HDAC9: variants seen among roughly 807,000 people sequenced by gnomAD.
The protein encoded by HDAC9 is MEF-2 interacting transcription repressor (MITR) protein.
A neutral mutation model predicts 139.4 loss-of-function variants in HDAC9; 41 were observed. The ratio of observed to expected loss-of-function variants is 0.29; its 90% confidence interval spans 0.23 to 0.38. HDAC9 has a LOEUF of 0.38. HDAC9 is among the 10% of genes least tolerant of loss of function. HDAC9 has a pLI of 1.00. For missense variants in HDAC9, 1,147 were observed against 1,297.0 expected (o/e 0.88, Z 1.78); for synonymous variants, 517 against 476.2 (o/e 1.09, Z -1.12).
At position 18,893,306 on chromosome 7, in the gene HDAC9, GAACAT is replaced by G. The variant is rs562313364; in HGVS notation, c.2803+18719_2803+18723del. 5.2e-3 allele frequency among the ~76,000 whole-genome samples: 788 copies of G among 152,220 alleles called. 4 individuals are homozygous for G. Among genetic ancestry groups the G allele is most frequent in the African/African-American group, 0.018 (764 of 41,542 alleles). On this transcript the variant is annotated intron_variant, in intron 22 of 25. Transcript: ENST00000686413. ...TTACACAAGGGGCAGCAGCGTGAAG[GAACAT>G]AACATAACCTTCGCTCTCCTTATCA... is the stretch of plus-strand genomic sequence containing the variant.
intron 1 of HDAC9, among the ~76,000 whole-genome samples, chr7:18,464,620 A>G (rs964104729): frequency 6.6e-6 from 1 of 151,992 alleles, no homozygotes; most frequent in African/African-American, 2.4e-5. Flanking sequence ...TTAACAAGTC[A>G]TTTTTCAAAT....
intron 24 of HDAC9, among the ~76,000 whole-genome samples, 166 bp from the exon 25 acceptor site, chr7:18,975,640 T>G (rs2189741): frequency 0.79 from 120,940 of 152,186 alleles, 48,137 homozygotes; most frequent in South Asian, 0.85. Flanking sequence ...GGCATTCTTA[T>G]ATTGAGAAAA....
At chr7:18,622,366 C>T (rs1840439518) in intron 6 of HDAC9, among the ~76,000 whole-genome samples, 1 of 152,160 alleles carries the variant, frequency 6.6e-6, no homozygotes, top group Admixed American at 6.5e-5. Context: ...CCCTGTCACC[C>T]AGGCTGGAGT....
chr7:18,738,776 C>A (rs1240442068), intron 13 of HDAC9, among the ~76,000 whole-genome samples: 3 of 152,180 alleles, frequency 2.0e-5, no homozygotes, highest in African/African-American at 7.2e-5. Context: ...TTGTGGTGTT[C>A]TCTGTACTTC....
intron 16 of HDAC9, among the ~76,000 whole-genome samples, chr7:18,772,332 A>G (rs1301353808): frequency 6.6e-6 from 1 of 152,068 alleles, no homozygotes; most frequent in Non-Finnish European, 1.5e-5. Context: ...CTTCCAAAAA[A>G]GGAGGGAAAA....
intron 11 of HDAC9, among the ~76,000 whole-genome samples, chr7:18,654,605 T>C (rs1426201173): frequency 6.6e-6 from 1 of 152,146 alleles, no homozygotes; most frequent in Admixed American, 6.6e-5. Context: ...TCCTTAATCA[T>C]TTGTGCTTAT....
chr7:18,155,361 C>T (rs1180508908), intron 1 of HDAC9, among the ~76,000 whole-genome samples: 1 of 152,018 alleles, frequency 6.6e-6, no homozygotes, highest in African/African-American at 2.4e-5. Context: ...GGGCTAAGCC[C>T]AGTGTTTAAA....
At chr7:18,991,071 A>C (rs1464949439) in intron 25 of HDAC9, among the ~76,000 whole-genome samples, 1 of 152,156 alleles carries the variant, frequency 6.6e-6, no homozygotes, top group African/African-American at 2.4e-5. Context: ...GCTCCTCTCG[A>C]TCTTTATTCT....
intron 1 of HDAC9, among the ~76,000 whole-genome samples, chr7:18,434,015 A>G (rs1790933827): frequency 6.6e-6 from 1 of 152,182 alleles, no homozygotes; most frequent in African/African-American, 2.4e-5. Context: ...GCTTTAAACT[A>G]TGTGACAGGC....
chr7:18,748,029 G>A (rs1184416337), intron 13 of HDAC9, among the ~76,000 whole-genome samples: 3 of 152,054 alleles, frequency 2.0e-5, no homozygotes, highest in Non-Finnish European at 2.9e-5. Context: ...AATATACTTC[G>A]ATGGTCATTT....
chr7:18,793,337 T>G lies in HDAC9; in HGVS notation c.2215-8T>G. On this transcript the variant is annotated splice_polypyrimidine_tract_variant and splice_region_variant and intron_variant, in intron 16 of 25. Transcript: ENST00000686413. ...TCTGTCTTCGGACTCTGCTGACTGT[T>G]TGCTCAGGTGGACAGTGACACCATT... 6.4e-7 allele frequency: 1 copy of G among 1,554,400 alleles called. No homozygotes were observed. The highest frequency in any genetic ancestry group is 8.7e-7 in the Non-Finnish European group (1 of 1,144,666).
At chr7:18,638,732 G>A (rs1019690039) in intron 8 of HDAC9, among the ~76,000 whole-genome samples, 1 of 152,060 alleles carries the variant, frequency 6.6e-6, no homozygotes, top group Non-Finnish European at 1.5e-5. Context: ...GCTCTCATGT[G>A]AGAGTGAGTC....
intron 2 of HDAC9, among the ~76,000 whole-genome samples, chr7:18,555,946 C>G (rs1390596970): frequency 1.3e-5 from 2 of 152,020 alleles, no homozygotes; most frequent in Non-Finnish European, 2.9e-5. Flanking sequence ...TTGGTCTACA[C>G]TCCAAAAGTA....
At chr7:18,826,903 A>G (rs1340211885) in intron 17 of HDAC9, among the ~76,000 whole-genome samples, 1 of 151,664 alleles carries the variant, frequency 6.6e-6, no homozygotes, top group Non-Finnish European at 1.5e-5. Context: ...ATTATCTGTT[A>G]TATATATTTT....
intron 1 of HDAC9, among the ~76,000 whole-genome samples, chr7:18,143,583 T>G (rs1786067851): frequency 6.6e-6 from 1 of 152,094 alleles, no homozygotes; most frequent in Non-Finnish European, 1.5e-5. Context: ...GTCAGAAGTT[T>G]GAGAACAGCC....
rs543550787 is a variant in HDAC9 at position 18,540,083 on chromosome 7, C to A, written c.22+43759C>A. ...GACCAGCCTGGCCAACATGTTGAAA[C>A]CGCATCCCTACTAAAAATACAAAAA... On this transcript the variant is annotated intron_variant, in intron 2 of 25. Coordinates refer to ENST00000686413, the MANE Select transcript of HDAC9 (RefSeq NM_178425.4). Among the ~76,000 whole-genome samples, 745 of 143,496 alleles carry A rather than the reference C, an allele frequency of 5.2e-3. 3 individuals carry two copies. Among genetic ancestry groups the A allele is most frequent in the Middle Eastern group, 0.011 (3 of 282 alleles). 94.1% of individuals were successfully genotyped at this position (143,496 alleles called of 152,430 possible).
At chr7:18,282,520 G>A (rs1160239103) in intron 2 of HDAC9, among the ~76,000 whole-genome samples, 2 of 152,112 alleles carry the variant, frequency 1.3e-5, no homozygotes, top group African/African-American at 2.4e-5. Flanking sequence ...GCAAGGTCCC[G>A]GGACCCTTTT....
Position 18,645,593 on chromosome 7 carries a change from A to T in HDAC9, c.1035+800A>T, listed in dbSNP as rs114225126. Among the ~76,000 whole-genome samples the T allele has an allele frequency of 7.6e-3, 1,156 of 152,296 alleles. 14 individuals carry two copies. Among genetic ancestry groups the T allele is most frequent in the African/African-American group, 0.027 (1,104 of 41,572 alleles). ...AATGTTATTGTCATACTAGCAGAAG[A>T]TGGCAATAATTATTCTAGGCATATT... On this transcript the variant is annotated intron_variant, in intron 9 of 25. Transcript: ENST00000686413.
intron 1 of HDAC9, among the ~76,000 whole-genome samples, chr7:18,370,256 G>C (rs1442767081): frequency 6.6e-6 from 1 of 152,140 alleles, no homozygotes; most frequent in African/African-American, 2.4e-5. Context: ...CCATAAATCT[G>C]TAACAGAATT....
Sources: gnomAD v4.1 joint callset for allele counts (sites outside exome capture counted in the v4.1 genomes callset) on GRCh38, gnomAD v4.1.1 for gene constraint, MANE v1.5 for transcripts, NCBI Gene and HGNC (gene_info 2026-07-23, HGNC 2026-07-21) for gene names.